GPC5: variants seen among roughly 807,000 people sequenced by gnomAD.
GPC5 encodes glypican-5.
GPC5 carries 47 observed loss-of-function variants against 53.9 expected under a neutral mutation model. The ratio of observed to expected loss-of-function variants is 0.87; its 90% CI spans 0.69 to 1.11. GPC5 has a LOEUF of 1.11. Among genes scored for constraint, GPC5 ranks in the 50% most tolerant of loss-of-function variants. GPC5 has a pLI of 0.00. For missense variants in GPC5, 748 were observed against 713.1 expected, an observed-to-expected ratio of 1.05 and a Z score of -0.56; for synonymous variants, 286 against 263.3, an observed-to-expected ratio of 1.09 and a Z score of -0.84.
intron 7 of GPC5, among the ~76,000 whole-genome samples, chr13:92,464,180 C>A (rs1878601053): frequency 1.3e-5 from 2 of 152,128 alleles, no homozygotes; most frequent in South Asian, 2.1e-4. Flanking sequence ...ATTTCTATTA[C>A]CCCTCATGCT....
At chr13:91,559,498 G>A (rs1218212976) in intron 2 of GPC5, among the ~76,000 whole-genome samples, 3 of 152,142 alleles carry the variant, frequency 2.0e-5, no homozygotes, top group African/African-American at 7.2e-5. Flanking sequence ...ATTGCTTTTG[G>A]TTTTTGAATT....
intron 2 of GPC5, among the ~76,000 whole-genome samples, chr13:91,531,047 G>A (rs1018700372): frequency 1.3e-5 from 2 of 152,050 alleles, no homozygotes; most frequent in African/African-American, 4.8e-5. Flanking sequence ...ACCCACTTAG[G>A]GAGATATTTT....
intron 7 of GPC5, among the ~76,000 whole-genome samples, chr13:92,760,615 AT>A (rs1292756464): frequency 2.0e-5 from 3 of 149,510 alleles, no homozygotes; most frequent in Non-Finnish European, 4.5e-5. Context: ...CATCTGTTCT[AT>A]TGATTTTTTT....
chr13:91,638,929 CTT>C (rs929416132), intron 2 of GPC5, among the ~76,000 whole-genome samples: 4 of 152,122 alleles, frequency 2.6e-5, no homozygotes, highest in Non-Finnish European at 4.4e-5. Flanking sequence ...AATTTGAACT[CTT>C]TTCTTACTTG....
In GPC5 at chr13:91,499,642, G is replaced by A. The variant is rs530317694; in HGVS notation, c.325+50720G>A. Among the ~76,000 whole-genome samples, 7 of 152,296 alleles carry A rather than the reference G, an allele frequency of 4.6e-5. No homozygotes were observed. In the East Asian group the frequency reaches 1.4e-3, roughly 29 times the overall value. ...ATGTAAATCACGATGGCAATGAAATGTGTTCTTTTGCATTTTAGCGCTCTC... is the reference window on the plus strand; with the variant it reads ...ATGTAAATCACGATGGCAATGAAATATGTTCTTTTGCATTTTAGCGCTCTC... On this transcript the variant is annotated intron_variant, in intron 2 of 7. Coordinates refer to ENST00000377067, the MANE Select transcript of GPC5 (RefSeq NM_004466.6).
At chr13:92,663,589 A>G (rs1165179580) in intron 7 of GPC5, among the ~76,000 whole-genome samples, 3 of 84,852 alleles carry the variant, frequency 3.5e-5, no homozygotes, top group Non-Finnish European at 6.0e-5. Context: ...ATATATATAT[A>G]TATATCTACT....
intron 2 of GPC5, among the ~76,000 whole-genome samples, chr13:91,593,335 C>T (rs1311324537): frequency 1.3e-5 from 2 of 152,164 alleles, no homozygotes; most frequent in African/African-American, 2.4e-5. Context: ...TACTCAAAGC[C>T]GTGGTCGCAC....
At chr13:91,958,610 A>G (rs536465316) in intron 6 of GPC5, among the ~76,000 whole-genome samples, 2 of 152,222 alleles carry the variant, frequency 1.3e-5, no homozygotes, top group African/African-American at 4.8e-5. Flanking sequence ...TCTCCAGGAT[A>G]GGTCATATGT....
intron 6 of GPC5, among the ~76,000 whole-genome samples, chr13:92,020,624 A>T (rs565310069): frequency 1.3e-5 from 2 of 150,748 alleles, no homozygotes; most frequent in African/African-American, 4.9e-5. Context: ...GGCCATTTGT[A>T]TATTTTCTTT....
chr13:92,734,408 C>T (rs912695738), intron 7 of GPC5, among the ~76,000 whole-genome samples: 1 of 151,806 alleles, frequency 6.6e-6, no homozygotes, highest in Non-Finnish European at 1.5e-5. Context: ...GACATAATCA[C>T]TAGGAGAAAT....
intron 6 of GPC5, among the ~76,000 whole-genome samples, chr13:92,008,220 GC>G (rs1358239652): frequency 1.4e-4 from 22 of 151,764 alleles, no homozygotes; most frequent in Admixed American, 9.2e-4. Context: ...CCGCTACCAC[GC>G]CCGGCTAATT....
intron 2 of GPC5, among the ~76,000 whole-genome samples, chr13:91,647,266 G>A (rs902402359): frequency 6.6e-5 from 10 of 152,160 alleles, no homozygotes; most frequent in African/African-American, 2.4e-4. Flanking sequence ...TGGAAAAAGT[G>A]CATGGTGAAG....
intron 5 of GPC5, among the ~76,000 whole-genome samples, chr13:91,877,258 G>A (rs1371493285): frequency 6.6e-6 from 1 of 152,156 alleles, no homozygotes; most frequent in South Asian, 2.1e-4. Flanking sequence ...TGAGAAGAGG[G>A]CTGCTGTCCT....
intron 7 of GPC5, among the ~76,000 whole-genome samples, chr13:92,632,883 T>C (rs75712802): frequency 2.0e-5 from 3 of 151,964 alleles, no homozygotes; most frequent in African/African-American, 4.8e-5. Context: ...CCCATTTTTT[T>C]GTTTGTTTGT....
At chr13:92,349,928 CAAG>C (rs1403590731) in intron 7 of GPC5, among the ~76,000 whole-genome samples, 1 of 152,038 alleles carries the variant, frequency 6.6e-6, no homozygotes, top group African/African-American at 2.4e-5. Context: ...AAGGACATTA[CAAG>C]AAAATAAAAC....
At chr13:91,954,948 A>C (rs146159519) in intron 6 of GPC5, among the ~76,000 whole-genome samples, 42 of 152,238 alleles carry the variant, frequency 2.8e-4, no homozygotes, top group African/African-American at 7.9e-4. Context: ...ATTTCCAACA[A>C]CATACTTTTG....
intron 7 of GPC5, among the ~76,000 whole-genome samples, chr13:92,850,931 A>AACTT (rs1013352748): frequency 5.3e-5 from 8 of 152,348 alleles, no homozygotes; most frequent in Admixed American, 3.9e-4. Context: ...AAGACTGCAT[A>AACTT]ACTTATAAAT....
intron 7 of GPC5, among the ~76,000 whole-genome samples, chr13:92,664,669 GCTGTAAAACATT>G (rs1224340750): frequency 6.6e-6 from 1 of 152,066 alleles, no homozygotes; most frequent in Non-Finnish European, 1.5e-5. Flanking sequence ...AAAAAATTTA[GCTGTAAAACATT>G]CAATTTGGGC....
intron 7 of GPC5, among the ~76,000 whole-genome samples, chr13:92,440,358 G>T (rs1439509860): frequency 2.0e-5 from 3 of 152,064 alleles, no homozygotes; most frequent in Non-Finnish European, 4.4e-5. Flanking sequence ...GTGGTGTTTG[G>T]TTTTTCTGTT....
Sources: allele counts gnomAD v4.1 joint callset (sites outside exome capture counted in the v4.1 genomes callset), GRCh38; gene constraint gnomAD v4.1.1; transcripts MANE v1.5; gene names NCBI Gene and HGNC (gene_info 2026-07-23, HGNC 2026-07-21).